STK3: variants seen among roughly 807,000 people sequenced by gnomAD.
The protein encoded by STK3 is serine/threonine-protein kinase 3.
In STK3, 41 loss-of-function variants were observed where a neutral mutation model predicts 58.0. The observed-to-expected ratio is 0.71, with a 90% CI of 0.55 to 0.92. The LOEUF (loss-of-function observed/expected upper bound fraction) is 0.92. STK3 is among the 40% of genes least tolerant of loss of function. The probability of loss-of-function intolerance (pLI) is 0.00; values close to 1 mark genes in which losing one functional copy is unlikely to be tolerated. For missense variants in STK3, 479 were observed against 602.7 expected (o/e 0.79, Z 2.15); for synonymous variants, 170 against 191.0 (o/e 0.89, Z 0.91).
intron 6 of STK3, among the ~76,000 whole-genome samples, chr8:98,665,778 A>G (rs540236876): frequency 2.7e-5 from 4 of 149,312 alleles, no homozygotes; most frequent in Non-Finnish European, 5.9e-5. Flanking sequence ...ATCTCGGCTC[A>G]CTGCAAGCTC....
intron 1 of STK3, among the ~76,000 whole-genome samples, chr8:98,936,001 C>T (rs1840180480): frequency 6.6e-6 from 1 of 152,016 alleles, no homozygotes; most frequent in African/African-American, 2.4e-5. Context: ...ACTGCAAGCT[C>T]CACCTCCCGG....
At chr8:98,657,429 A>G (rs1821636053) in intron 6 of STK3, among the ~76,000 whole-genome samples, 1 of 152,128 alleles carries the variant, frequency 6.6e-6, no homozygotes, top group Non-Finnish European at 1.5e-5. Flanking sequence ...CTCTGATAAT[A>G]TGCCATTTCA....
chr8:98,350,915 C>T, the STK3 span, among the ~76,000 whole-genome samples: 3 of 152,028 alleles, frequency 2.0e-5, no homozygotes, highest in African/African-American at 7.3e-5. Context: ...AAGATACACT[C>T]TAATAAAATT....
At chr8:98,724,182 T>G (rs144835550) in intron 4 of STK3, among the ~76,000 whole-genome samples, 53 of 152,302 alleles carry the variant, frequency 3.5e-4, no homozygotes, top group African/African-American at 1.3e-3. Flanking sequence ...AGGACAGCAG[T>G]TCTTAAAGCT....
chr8:98,903,512 T>C (rs904357240), intron 1 of STK3, among the ~76,000 whole-genome samples: 3 of 30,202 alleles, frequency 9.9e-5, no homozygotes, highest in East Asian at 2.6e-3. Flanking sequence ...CTTCTTCTTC[T>C]TCTTCTTCTT....
intron 10 of STK3, among the ~76,000 whole-genome samples, chr8:98,460,998 G>C (rs1819927166): frequency 6.6e-6 from 1 of 152,158 alleles, no homozygotes; most frequent in African/African-American, 2.4e-5. Context: ...GTAAATATTT[G>C]TTATGTCCAT....
At chr8:98,858,290 G>GTATATATATATATA (rs71572027) in intron 3 of STK3, among the ~76,000 whole-genome samples, 18 of 34,378 alleles carry the variant, frequency 5.2e-4, no homozygotes, top group African/African-American at 1.1e-3. Context: ...ACATACATAC[G>GTATATATATATATA]TATATATATA....
chr8:98,393,487 G>A (rs1045986405), intron 3 of STK3, among the ~76,000 whole-genome samples: 2 of 152,078 alleles, frequency 1.3e-5, no homozygotes, highest in African/African-American at 4.8e-5. Context: ...GGCTGGTCCT[G>A]TAACTTTCAG....
chr8:98,422,597 A>T (rs760599092), intron 3 of STK3, among the ~76,000 whole-genome samples: 1 of 152,196 alleles, frequency 6.6e-6, no homozygotes, highest in South Asian at 2.1e-4. Flanking sequence ...GAATTCTGGG[A>T]GGAGCAGGCA....
At chr8:98,676,377 C>T (rs957617137) in intron 6 of STK3, among the ~76,000 whole-genome samples, 2 of 152,186 alleles carry the variant, frequency 1.3e-5, no homozygotes, top group Non-Finnish European at 2.9e-5. Flanking sequence ...GTAGTCCCAG[C>T]ACCTTGGGAT....
intron 4 of STK3, among the ~76,000 whole-genome samples, chr8:98,738,790 T>C (rs1828876929): frequency 6.6e-6 from 1 of 152,210 alleles, no homozygotes; most frequent in Non-Finnish European, 1.5e-5. Context: ...GGCGAGGCAT[T>C]GCCTCACTCG....
At position 98,767,313 on chromosome 8, in the gene STK3, T is replaced by C; in HGVS notation, c.166A>G (p.Lys56Glu). ...AGATCTGATTCAACAGGTACTTGTT[T>C]AATTGCGACAACTTGACCGGATTCC... Reference protein sequence around the residue: ...HKESGQVVAIKQVPVESDLQE... With the variant: ...HKESGQVVAIEQVPVESDLQE... Residue 56 changes from lysine to glutamate, a missense_variant, in exon 3 of 11, where the codon AAA becomes GAA. By Grantham distance (56) the Lys-to-Glu change is moderately conservative. Around this residue, in one of 3 missense-constraint regions of STK3, gnomAD observed 126 missense variants for 210.1 expected, o/e 0.60. Coordinates refer to ENST00000419617, the MANE Select transcript of STK3 (RefSeq NM_006281.4). 1 of 1,611,996 alleles carries C rather than the reference T, an allele frequency of 6.2e-7. No homozygotes were observed. The highest frequency in any genetic ancestry group is 8.5e-7 in the Non-Finnish European group (1 of 1,179,512).
At chr8:98,655,494 T>A (rs1198979809) in intron 6 of STK3, among the ~76,000 whole-genome samples, 1 of 152,052 alleles carries the variant, frequency 6.6e-6, no homozygotes, top group Non-Finnish European at 1.5e-5. Flanking sequence ...TGGGATCTAA[T>A]TAAACTAAAG....
intron 4 of STK3, among the ~76,000 whole-genome samples, chr8:98,710,593 G>A (rs1043699416): frequency 6.6e-6 from 1 of 152,252 alleles, no homozygotes; most frequent in African/African-American, 2.4e-5. Context: ...GAGGCTGGGG[G>A]AGGGGCGCCT....
At chr8:98,476,414 G>C (rs1821313778) in intron 10 of STK3, among the ~76,000 whole-genome samples, 1 of 152,124 alleles carries the variant, frequency 6.6e-6, no homozygotes, top group Non-Finnish European at 1.5e-5. Flanking sequence ...CGGGGTCACT[G>C]TAATAAAGTT....
intron 8 of STK3, among the ~76,000 whole-genome samples, chr8:98,569,687 T>C (rs1436344338): frequency 6.6e-6 from 1 of 151,936 alleles, no homozygotes; most frequent in African/African-American, 2.4e-5. Flanking sequence ...TAATATGATA[T>C]AAGTGAACAG....
rs546205334 is a variant in STK3, at chr8:98,647,246, C to T, written c.685-51077G>A. 3.6e-4 allele frequency among the ~76,000 whole-genome samples: 55 copies of T among 152,172 alleles called. 1 individual carries two copies. In the Middle Eastern group the frequency reaches 0.014, roughly 38 times the overall value. On this transcript the variant is annotated intron_variant, in intron 6 of 10. Coordinates refer to ENST00000419617, the MANE Select transcript of STK3 (RefSeq NM_006281.4). The stretch of plus-strand genomic sequence containing the variant: ...CAAGCCTCTACTCAAATATCACCTT[C>T]CCAAGGAGGCTCTGAACACCATATT...
chr8:98,527,353 G>C (rs1214955607), intron 9 of STK3, among the ~76,000 whole-genome samples: 2 of 152,062 alleles, frequency 1.3e-5, no homozygotes, highest in Non-Finnish European at 2.9e-5. Flanking sequence ...GGCTAGGCAT[G>C]GTGGCCTGTA....
At chr8:98,883,741 C>T (rs1211312815), downstream of STK3, 3 of 702,892 alleles carry the variant, frequency 4.3e-6, no homozygotes, top group Non-Finnish European at 7.8e-6. Context: ...ATGCCACTGT[C>T]CATGAGTTGT....
Sources: gnomAD v4.1 joint callset for allele counts (sites outside exome capture counted in the v4.1 genomes callset) on GRCh38, gnomAD v4.1.1 for gene constraint, gnomAD v4.1.1 regional missense constraint, MANE v1.5 for transcripts, NCBI Gene and HGNC (gene_info 2026-07-23, HGNC 2026-07-21) for gene names.